NDST4: variants seen among roughly 807,000 people sequenced by gnomAD.
The protein encoded by NDST4 is N-heparan sulfate sulfotransferase 4.
Under a neutral mutation model 100.8 loss-of-function variants are expected in NDST4, and 63 were observed. The observed-to-expected ratio is 0.62, with a 90% CI of 0.51 to 0.77. NDST4 has a LOEUF of 0.77. Ranked by LOEUF, NDST4 falls within the 30% of genes least tolerant of loss-of-function variation. The probability of loss-of-function intolerance (pLI) is 0.00; values close to 1 mark genes in which losing one functional copy is unlikely to be tolerated. For synonymous variants in NDST4, 377 were observed against 361.8 expected (o/e 1.04, Z -0.48); for missense variants, 943 against 1,018.4 (o/e 0.93, Z 1.01).
rs1726488899 is a variant in NDST4 at position 114,970,503 on chromosome 4, T to G, written c.1148A>C (p.His383Pro). 6.2e-7 allele frequency: 1 copy of G among 1,613,920 alleles called. No individual in the cohort carries two copies. Among genetic ancestry groups the G allele is most frequent in the Admixed American group, 1.7e-5 (1 of 60,002 alleles). Reference sequence around the variant, plus strand: ...GTTGTGGAAGAGGTGGGGCTGCATGTGGCTCCACATGTGAGGAAACCACCA... The same window carrying G: ...GTTGTGGAAGAGGTGGGGCTGCATGGGGCTCCACATGTGAGGAAACCACCA... ...EFWWFPHMWS[H>P]MQPHLFHNES... Residue 383 changes from histidine (H) to proline (P), a missense_variant, in exon 4 of 14, where the codon CAC (histidine) becomes CCC (proline). Around this residue, in one of 2 missense-constraint regions of NDST4, gnomAD observed 526 missense variants for 634.1 expected, o/e 0.83. Coordinates refer to ENST00000264363, the MANE Select transcript of NDST4 (RefSeq NM_022569.3).
chr4:114,969,474 A>G (rs1726460747), intron 4 of NDST4, among the ~76,000 whole-genome samples: 1 of 152,048 alleles, frequency 6.6e-6, no homozygotes, highest in South Asian at 2.1e-4. Context: ...CTCTCCCTCC[A>G]CACTCAAGCA....
chr4:115,113,136 T>C (rs1236618992), intron 1 of NDST4, among the ~76,000 whole-genome samples: 2 of 151,998 alleles, frequency 1.3e-5, no homozygotes, highest in Non-Finnish European at 2.9e-5. Flanking sequence ...CTAAAGTTGT[T>C]ATCAAATAAG....
chr4:115,098,739 G>C (rs1382138940), intron 1 of NDST4, among the ~76,000 whole-genome samples: 1 of 152,118 alleles, frequency 6.6e-6, no homozygotes, highest in Non-Finnish European at 1.5e-5. Context: ...CTGTCACCCA[G>C]GCTGGAGTGC....
intron 2 of NDST4, among the ~76,000 whole-genome samples, chr4:115,033,747 G>T (rs986395526): frequency 2.6e-5 from 4 of 152,036 alleles, no homozygotes; most frequent in Admixed American, 6.6e-5. Context: ...CAGTCTTTTT[G>T]AATAACATTT....
intron 1 of NDST4, among the ~76,000 whole-genome samples, chr4:115,085,786 A>G (rs139694825): frequency 6.8e-4 from 103 of 152,290 alleles, no homozygotes; most frequent in African/African-American, 2.3e-3. Flanking sequence ...ATTTCTCCAC[A>G]GAGTGTGAGA....
chr4:114,856,477 A>G (rs993453764), intron 7 of NDST4, among the ~76,000 whole-genome samples: 1 of 152,222 alleles, frequency 6.6e-6, no homozygotes, highest in Non-Finnish European at 1.5e-5. Flanking sequence ...ATACTTTTAA[A>G]TATAACACTT....
intron 6 of NDST4, among the ~76,000 whole-genome samples, chr4:114,918,449 C>G (rs373233562): frequency 0.085 from 12,792 of 150,460 alleles, 1,354 homozygotes; most frequent in African/African-American, 0.25. Flanking sequence ...GCTAGATGAC[C>G]AGTTAGTGGG....
rs201474811 is a variant in NDST4, at chr4:115,076,879, G to C, written c.158C>G (p.Thr53Ser). The change falls in exon 2 of 14, where the codon ACT (threonine) becomes AGT (serine). Residue 53 changes from threonine to serine, a missense_variant. Physicochemically the swap from Thr to Ser is moderately conservative, Grantham distance 58. Around this residue, in one of 2 missense-constraint regions of NDST4, gnomAD observed 417 missense variants for 384.2 expected, o/e 1.09. Transcript: ENST00000264363. ...CCTATATGGTAGAATTTTGATGTCA[G>C]TGCATTCTGCTTCTGCAGTGGTTTC... ...LIETTAEAEC[T>S]DIKILPYRSM... 1.4e-5 allele frequency: 22 copies of C among 1,613,826 alleles called. No individual in the cohort carries two copies. Among genetic ancestry groups the C allele is most frequent in the Non-Finnish European group, 2.5e-6 (3 of 1,179,874 alleles).
intron 10 of NDST4, among the ~76,000 whole-genome samples, chr4:114,844,106 A>T (rs1171022081): frequency 1.3e-5 from 2 of 152,014 alleles, no homozygotes; most frequent in Non-Finnish European, 2.9e-5. Context: ...AATTCTGTTG[A>T]TTTTAATGTC....
rs540018114 is a variant in NDST4 at position 115,013,424 on chromosome 4, A to C, written c.979-36150T>G. ...CACAGAAATTAAAACTTAAAAACTTATAACACACTGTTAATCTTTCTCCCA... is the reference window on the plus strand; with the variant it reads ...CACAGAAATTAAAACTTAAAAACTTCTAACACACTGTTAATCTTTCTCCCA... On this transcript the variant is annotated intron_variant, in intron 2 of 13. Transcript: ENST00000264363. Among the ~76,000 whole-genome samples the C allele has an allele frequency of 1.7e-4, 25 of 149,512 alleles. No homozygotes were observed. The South Asian group carries it at 4.7e-3, about 28-fold the overall frequency.
At chr4:114,988,352 CT>C (rs991019823) in intron 2 of NDST4, among the ~76,000 whole-genome samples, 206 of 64,186 alleles carry the variant, frequency 3.2e-3, no homozygotes, top group Middle Eastern at 0.013. Flanking sequence ...ATACACATAT[CT>C]TTTTTTTTTT....
At chr4:114,996,041 C>T (rs1329783182) in intron 2 of NDST4, among the ~76,000 whole-genome samples, 1 of 152,040 alleles carries the variant, frequency 6.6e-6, no homozygotes, top group Admixed American at 6.6e-5. Context: ...GGAAACTTAT[C>T]TTAAGAGATC....
intron 2 of NDST4, among the ~76,000 whole-genome samples, chr4:114,986,160 T>C (rs1365718873): frequency 6.6e-6 from 1 of 152,210 alleles, no homozygotes; most frequent in East Asian, 1.9e-4. Flanking sequence ...TTTGACCTTA[T>C]AAAATAATAT....
chr4:114,919,768 T>C (rs1309058761), intron 6 of NDST4, among the ~76,000 whole-genome samples: 1 of 152,228 alleles, frequency 6.6e-6, no homozygotes, highest in East Asian at 1.9e-4. Context: ...GATAATGGAT[T>C]CTATGTGGCC....
chr4:114,875,542 A>C (rs1724238136), intron 6 of NDST4, among the ~76,000 whole-genome samples: 1 of 152,186 alleles, frequency 6.6e-6, no homozygotes. Flanking sequence ...GAGTAAATAT[A>C]ATTGAACTTT....
At chr4:115,007,151 C>T (rs1356042908) in intron 2 of NDST4, among the ~76,000 whole-genome samples, 6 of 152,124 alleles carry the variant, frequency 3.9e-5, no homozygotes, top group African/African-American at 1.2e-4. Context: ...CCAGACACTG[C>T]TAATAACACT....
At chr4:115,005,817 G>C (rs1727401093) in intron 2 of NDST4, among the ~76,000 whole-genome samples, 1 of 151,990 alleles carries the variant, frequency 6.6e-6, no homozygotes, top group Admixed American at 6.6e-5. Context: ...TGGAAGACTT[G>C]AGGTCAGGAG....
intron 4 of NDST4, among the ~76,000 whole-genome samples, chr4:114,966,988 G>T (rs1726397663): frequency 6.6e-6 from 1 of 152,124 alleles, no homozygotes; most frequent in Non-Finnish European, 1.5e-5. Context: ...ATCAGAACTT[G>T]TTACTAGCAG....
chr4:115,075,555 G>A (rs1729160327), intron 2 of NDST4, among the ~76,000 whole-genome samples: 1 of 152,110 alleles, frequency 6.6e-6, no homozygotes, highest in African/African-American at 2.4e-5. Context: ...GGAAGGTCAA[G>A]GCGGGTGGAT....
Sources: allele counts gnomAD v4.1 joint callset (sites outside exome capture counted in the v4.1 genomes callset), GRCh38; gene constraint gnomAD v4.1.1; regional missense constraint gnomAD v4.1.1; transcripts MANE v1.5; gene names NCBI Gene and HGNC (gene_info 2026-07-23, HGNC 2026-07-21).